Variants in DLG2 observed in about 807,000 individuals in gnomAD.
The protein encoded by DLG2 is discs large MAGUK scaffold protein 2.
In DLG2, 45 loss-of-function variants were observed where a neutral mutation model predicts 132.5. The observed-to-expected ratio is 0.34, with a 90% CI of 0.27 to 0.44. The LOEUF is 0.44. DLG2 is among the 20% of genes least tolerant of loss of function. The probability of loss-of-function intolerance (pLI) is 1.00; values close to 1 mark genes in which losing one functional copy is unlikely to be tolerated. For synonymous variants in DLG2, 424 were observed against 419.6 expected, an observed-to-expected ratio of 1.01 and a Z score of -0.13; for missense variants, 1,045 against 1,196.9, an observed-to-expected ratio of 0.87 and a Z score of 1.87.
intron 18 of DLG2, among the ~76,000 whole-genome samples, chr11:83,737,790 A>G (rs2092098144): frequency 6.6e-6 from 1 of 152,184 alleles, no homozygotes; most frequent in Non-Finnish European, 1.5e-5. Context: ...CAATTCTACT[A>G]AAAATAGAAA....
At chr11:85,589,017 C>T (rs766594233) in intron 3 of DLG2, among the ~76,000 whole-genome samples, 5 of 152,110 alleles carry the variant, frequency 3.3e-5, no homozygotes, top group Admixed American at 6.5e-5. Context: ...TCCTGTGATG[C>T]GATCCACCTT....
At chr11:83,646,357 C>CAGAATGAGAG (rs1555286927) in intron 18 of DLG2, among the ~76,000 whole-genome samples, 2 of 126,222 alleles carry the variant, frequency 1.6e-5, no homozygotes, top group African/African-American at 5.3e-5. Context: ...AGATATGAAA[C>CAGAATGAGAG]AGAGAGAGAG....
intron 7 of DLG2, among the ~76,000 whole-genome samples, chr11:84,251,757 C>T (rs573856335): frequency 6.6e-6 from 1 of 150,900 alleles, no homozygotes; most frequent in East Asian, 2.0e-4. Flanking sequence ...TCTCCTGCCT[C>T]AGCCTCCCAA....
intron 22 of DLG2, chr11:83,483,447 A>C: frequency 1.8e-6 from 1 of 550,120 alleles, no homozygotes; most frequent in South Asian, 3.2e-5. Flanking sequence ...TTTTAAAAAA[A>C]CTTTCACCCC....
rs1446373593 is a variant in DLG2 at position 83,844,982 on chromosome 11, G to A, written c.1566-11212C>T. On this transcript the variant is annotated intron_variant, in intron 16 of 27. Transcript: ENST00000376104. ...ATAGCACATTCTGGTATCTTGAGTAGTTACATTTTGCATCATATATTAAAA... is the reference window on the plus strand; with the variant it reads ...ATAGCACATTCTGGTATCTTGAGTAATTACATTTTGCATCATATATTAAAA... Among the ~76,000 whole-genome samples, 3 of 152,044 alleles carry A rather than the reference G, an allele frequency of 2.0e-5. No individual in the cohort carries two copies. The East Asian group carries it at 5.8e-4, about 29-fold the overall frequency.
intron 3 of DLG2, among the ~76,000 whole-genome samples, chr11:85,372,487 G>A (rs1194445993): frequency 1.3e-5 from 2 of 152,182 alleles, no homozygotes; most frequent in African/African-American, 4.8e-5. Context: ...AAAGCCCTAG[G>A]AAAGAAAATT....
chr11:84,807,498 C>A (rs2076133986), intron 6 of DLG2, among the ~76,000 whole-genome samples: 1 of 151,848 alleles, frequency 6.6e-6, no homozygotes, highest in East Asian at 1.9e-4. Context: ...AAGATTTAAG[C>A]CTTAACATAT....
chr11:83,953,876 C>T (rs551683004), intron 14 of DLG2, among the ~76,000 whole-genome samples: 33 of 152,244 alleles, frequency 2.2e-4, no homozygotes, highest in African/African-American at 6.5e-4. Flanking sequence ...GCTTCTACAG[C>T]GGTCCCTCCA....
intron 14 of DLG2, among the ~76,000 whole-genome samples, chr11:83,954,278 C>T (rs2086242618): frequency 6.6e-6 from 1 of 152,194 alleles, no homozygotes; most frequent in Non-Finnish European, 1.5e-5. Context: ...CATACCCACT[C>T]TCTCTGCTTC....
chr11:85,118,667 T>C (rs562423086), intron 5 of DLG2, among the ~76,000 whole-genome samples: 4 of 152,128 alleles, frequency 2.6e-5, no homozygotes, highest in East Asian at 3.9e-4. Flanking sequence ...TTGACATGCA[T>C]TGTCAGCTCA....
At chr11:84,769,338 A>T (rs973631971) in intron 6 of DLG2, among the ~76,000 whole-genome samples, 5 of 152,172 alleles carry the variant, frequency 3.3e-5, no homozygotes, top group African/African-American at 1.2e-4. Context: ...GAATTTTAAA[A>T]TACAATTGAA....
intron 10 of DLG2, among the ~76,000 whole-genome samples, chr11:84,096,039 T>C (rs190954346): frequency 6.6e-6 from 1 of 152,290 alleles, no homozygotes; most frequent in East Asian, 1.9e-4. Flanking sequence ...TGTGAAAGCT[T>C]TACCTTTGGG....
chr11:84,296,385 G>A (rs930697274), intron 7 of DLG2, among the ~76,000 whole-genome samples: 5 of 152,134 alleles, frequency 3.3e-5, no homozygotes, highest in African/African-American at 7.2e-5. Context: ...TCTCCTTCAC[G>A]TTTGGAGGAG....
intron 4 of DLG2, among the ~76,000 whole-genome samples, chr11:85,189,179 G>C (rs2080340006): frequency 6.6e-6 from 1 of 152,060 alleles, no homozygotes; most frequent in African/African-American, 2.4e-5. Context: ...AAAGACAGTG[G>C]AATTATATAT....
chr11:84,861,644 A>AC lies in DLG2; in HGVS notation c.357+250016_357+250017insG, dbSNP rs1555265073. ...AAAAAAAAAAAAAAAAAAAAACAAA[A>AC]AAAAAAACCTATCAGAGGGAACAGG... On this transcript the variant is annotated intron_variant, in intron 6 of 27. Transcript: ENST00000376104. Among the ~76,000 whole-genome samples, 3 of 141,812 alleles carry AC rather than the reference A, an allele frequency of 2.1e-5. 1 individual carries two copies. Among genetic ancestry groups the AC allele is most frequent in the Non-Finnish European group, 4.6e-5 (3 of 64,786 alleles). The allele number at this position is 141,812 out of a possible 152,430, so 93.0% of individuals were successfully genotyped here.
chr11:83,800,273 A>G (rs1242730150), intron 17 of DLG2, among the ~76,000 whole-genome samples: 1 of 152,174 alleles, frequency 6.6e-6, no homozygotes, highest in Admixed American at 6.5e-5. Context: ...TTTATCTAGA[A>G]AGAGAGCCTC....
intron 9 of DLG2, among the ~76,000 whole-genome samples, chr11:84,139,670 G>A (rs913146728): frequency 6.6e-6 from 1 of 152,062 alleles, no homozygotes; most frequent in Admixed American, 6.6e-5. Flanking sequence ...CCACAGTGGG[G>A]CTCACATTCA....
intron 6 of DLG2, among the ~76,000 whole-genome samples, chr11:84,984,347 A>C (rs2056189871): frequency 6.6e-6 from 1 of 152,212 alleles, no homozygotes; most frequent in Non-Finnish European, 1.5e-5. Context: ...AAATAAAACA[A>C]TTATCAGCCA....
chr11:85,453,019 G>A, intron 3 of DLG2: 1 of 183,350 alleles, frequency 5.5e-6, no homozygotes, highest in Non-Finnish European at 1.2e-5. Flanking sequence ...TCTGCTAAAG[G>A]CACGGCCTTA....
Sources: allele counts gnomAD v4.1 joint callset (sites outside exome capture counted in the v4.1 genomes callset), GRCh38; gene constraint gnomAD v4.1.1; transcripts MANE v1.5; gene names NCBI Gene and HGNC (gene_info 2026-07-23, HGNC 2026-07-21).